The following PARD3 variants were observed in gnomAD, a reference collection of about 807,000 sequenced individuals.
The protein encoded by PARD3 is partitioning defective 3 homolog.
Under a neutral mutation model 155.4 loss-of-function variants are expected in PARD3, and 75 were observed. The ratio of observed to expected loss-of-function variants is 0.48; its 90% confidence interval spans 0.40 to 0.58. The LOEUF (loss-of-function observed/expected upper bound fraction) is 0.58. Ranked by LOEUF, PARD3 falls within the 20% of genes least tolerant of loss-of-function variation. PARD3 has a pLI of 0.00. For synonymous variants in PARD3, 576 were observed against 610.5 expected (o/e 0.94, Z 0.83); for missense variants, 1,642 against 1,721.7 (o/e 0.95, Z 0.82).
intron 2 of PARD3, among the ~76,000 whole-genome samples, chr10:34,558,821 C>T (rs2134035282): frequency 6.6e-6 from 1 of 152,304 alleles, no homozygotes; most frequent in Admixed American, 6.5e-5. Context: ...GTGGCATACG[C>T]CTGTAATGCC....
chr10:34,759,184 C>T (rs1018590785), intron 1 of PARD3, among the ~76,000 whole-genome samples: 1 of 149,282 alleles, frequency 6.7e-6, no homozygotes, highest in Non-Finnish European at 1.5e-5. Context: ...ATATGAAGCA[C>T]TTTTTTTTTT....
chr10:34,643,345 T>G (rs536360458), intron 2 of PARD3, among the ~76,000 whole-genome samples: 21 of 152,368 alleles, frequency 1.4e-4, no homozygotes, highest in African/African-American at 4.8e-4. Flanking sequence ...AGGGCCTCTG[T>G]GTCCTCTGCC....
intron 22 of PARD3, among the ~76,000 whole-genome samples, chr10:34,208,335 G>A (rs913741701): frequency 1.3e-5 from 2 of 152,202 alleles, no homozygotes; most frequent in African/African-American, 4.8e-5. Flanking sequence ...CAGGTGGCCT[G>A]AATGGGGGCA....
At chr10:34,176,912 TTTTCTC>T (rs1950054306) in intron 22 of PARD3, among the ~76,000 whole-genome samples, 1 of 151,720 alleles carries the variant, frequency 6.6e-6, no homozygotes, top group Non-Finnish European at 1.5e-5. Flanking sequence ...TCAAGAGTGT[TTTTCTC>T]TTTAAAGTCC....
At chr10:34,584,160 T>G (rs907971724) in intron 2 of PARD3, among the ~76,000 whole-genome samples, 1 of 152,216 alleles carries the variant, frequency 6.6e-6, no homozygotes. Flanking sequence ...TTTGTTGACA[T>G]GAGACTCTTT....
chr10:34,230,847 A>C (rs1952885655), intron 22 of PARD3, among the ~76,000 whole-genome samples: 1 of 152,018 alleles, frequency 6.6e-6, no homozygotes, highest in Non-Finnish European at 1.5e-5. Context: ...GGGCAACACA[A>C]TGAGACCTCA....
intron 2 of PARD3, among the ~76,000 whole-genome samples, chr10:34,594,599 C>T (rs1198311086): frequency 1.8e-4 from 27 of 152,006 alleles, no homozygotes; most frequent in Non-Finnish European, 1.2e-4. Context: ...TAGAGGAGGA[C>T]GACAAAAAGA....
At chr10:34,562,034 T>G (rs2134067546) in intron 2 of PARD3, among the ~76,000 whole-genome samples, 1 of 138,958 alleles carries the variant, frequency 7.2e-6, no homozygotes, top group South Asian at 2.2e-4. Flanking sequence ...CTTGGAATGC[T>G]GAGGGAGAGA....
intron 1 of PARD3, among the ~76,000 whole-genome samples, chr10:34,804,795 T>C (rs747743185): frequency 2.0e-5 from 3 of 152,204 alleles, no homozygotes; most frequent in Non-Finnish European, 4.4e-5. Flanking sequence ...GTATTGTCTA[T>C]GTAAAAGAAA....
intron 2 of PARD3, among the ~76,000 whole-genome samples, chr10:34,636,019 TA>T (rs548395751): frequency 2.2e-4 from 31 of 138,996 alleles, no homozygotes; most frequent in East Asian, 1.0e-3. Context: ...TTTCTTCTAT[TA>T]AAAAAAAAAG....
At chr10:34,331,842 G>A (rs1835652200) in intron 18 of PARD3, among the ~76,000 whole-genome samples, 1 of 151,774 alleles carries the variant, frequency 6.6e-6, no homozygotes, top group Non-Finnish European at 1.5e-5. Flanking sequence ...TTGCTAAACT[G>A]CAGACCCACA....
intron 22 of PARD3, among the ~76,000 whole-genome samples, chr10:34,175,402 A>T (rs543440990): frequency 1.3e-5 from 2 of 152,290 alleles, no homozygotes; most frequent in Admixed American, 1.3e-4. Context: ...AACCCAAAGA[A>T]ACCATGCCAG....
At chr10:34,443,079 G>A (rs10827370) in intron 5 of PARD3, among the ~76,000 whole-genome samples, 71,221 of 151,742 alleles carry the variant, frequency 0.47, 20,064 homozygotes, top group Non-Finnish European at 0.62. Context: ...CTGGTAAGTC[G>A]TGTGGACACA....
At chr10:34,171,808 G>C (rs887976884) in intron 22 of PARD3, among the ~76,000 whole-genome samples, 1 of 151,826 alleles carries the variant, frequency 6.6e-6, no homozygotes, top group African/African-American at 2.4e-5. Flanking sequence ...AAATAAGCCA[G>C]GTGTGGTGGT....
At chr10:34,266,229 T>TAAA (rs3039306) in intron 22 of PARD3, among the ~76,000 whole-genome samples, 20 of 149,116 alleles carry the variant, frequency 1.3e-4, no homozygotes, top group African/African-American at 4.6e-4. Context: ...TGTCTTTCTA[T>TAAA]AAAAAAAAAA....
At chr10:34,694,688 G>T (rs1394923695) in intron 2 of PARD3, among the ~76,000 whole-genome samples, 1 of 151,814 alleles carries the variant, frequency 6.6e-6, no homozygotes, top group Non-Finnish European at 1.5e-5. Context: ...GCCAGGATCT[G>T]CATTTTTTGA....
intron 3 of PARD3, among the ~76,000 whole-genome samples, chr10:34,502,360 A>C (rs1208490476): frequency 6.6e-6 from 1 of 152,208 alleles, no homozygotes; most frequent in Non-Finnish European, 1.5e-5. Flanking sequence ...CCATACACGA[A>C]GGAAGGCAAG....
At position 34,384,170 on chromosome 10, in the gene PARD3, G is replaced by A. The variant is rs2132017823; in HGVS notation, c.975C>T (p.Val325=). 6.2e-7 allele frequency: 1 copy of A among 1,613,678 alleles called. No individual in the cohort carries two copies. The highest frequency in any genetic ancestry group is 2.2e-5 in the East Asian group (1 of 44,858). ...TTCGAAGGTCGCCATCATTAATCCT[G>A]ACAATGCAATCATTCTCACGAAAAA... ...ENLFRENDCI[V]RINDGDLRNR... The change falls in exon 8 of 25, where the codon GTC becomes GTT. Residue 325 remains valine (V), a synonymous_variant. Coordinates refer to ENST00000374788, the MANE Select transcript of PARD3 (RefSeq NM_001184785.2).
chr10:34,346,660 A>G (rs1323587198), intron 15 of PARD3, among the ~76,000 whole-genome samples: 1 of 152,224 alleles, frequency 6.6e-6, no homozygotes. Context: ...TGAAAGTGAT[A>G]AACTATGTAC....
Sources: allele counts gnomAD v4.1 joint callset (sites outside exome capture counted in the v4.1 genomes callset), GRCh38; gene constraint gnomAD v4.1.1; transcripts MANE v1.5; gene names NCBI Gene and HGNC (gene_info 2026-07-23, HGNC 2026-07-21).